Variants in CASZ1 observed in about 807,000 individuals in gnomAD.
CASZ1 encodes zinc finger protein castor homolog 1.
Under a neutral mutation model 135.2 loss-of-function variants are expected in CASZ1, and 28 were observed. The observed-to-expected ratio is 0.21, with a 90% CI of 0.15 to 0.28. The LOEUF (loss-of-function observed/expected upper bound fraction) is 0.28, where lower values mean the gene tolerates loss of function less well. CASZ1 is among the 10% of genes least tolerant of loss of function. CASZ1 has a pLI of 1.00. For missense variants in CASZ1, 2,161 were observed against 2,453.3 expected (o/e 0.88, Z 2.52); for synonymous variants, 1,068 against 1,073.4 (o/e 0.99, Z 0.10).
At chr1:10,785,476 T>C (rs1400826630) in intron 1 of CASZ1, among the ~76,000 whole-genome samples, 1 of 151,006 alleles carries the variant, frequency 6.6e-6, no homozygotes, top group African/African-American at 2.4e-5. Flanking sequence ...GCCGATGGAG[T>C]TTCATACACC....
At position 10,792,180 on chromosome 1, in the gene CASZ1, G is replaced by C. The variant is rs559246648; in HGVS notation, c.-234+4384C>G. Reference sequence around the variant, plus strand: ...AAGAAAGAAAAAAAAAAAAACTCAAGTATTGCCTGTTTTATTTCCTATAGC... The same window carrying C: ...AAGAAAGAAAAAAAAAAAAACTCAACTATTGCCTGTTTTATTTCCTATAGC... On this transcript the variant is annotated intron_variant, in intron 1 of 20. Transcript: ENST00000377022. 2.6e-4 allele frequency among the ~76,000 whole-genome samples: 38 copies of C among 146,712 alleles called. 1 individual carries two copies. The South Asian group carries it at 5.8e-3, about 22-fold the overall frequency.
In CASZ1 at chr1:10,653,535, G is replaced by A. The variant is rs372692770; in HGVS notation, c.2522C>T (p.Ala841Val). The change falls in exon 11 of 21, where the codon GCC becomes GTC. Residue 841 changes from alanine (A) to valine (V), a missense_variant. This residue lies in a region of CASZ1 where 406 missense variants were observed against 387.6 expected (regional missense o/e 1.05). Coordinates refer to ENST00000377022, the MANE Select transcript of CASZ1 (RefSeq NM_001079843.3). ...GGGGGCTGAGTCTCCAGCTCCCGAG[G>A]CGACCAGCGTGGGTGTGTCAGGGGT... The part of the protein sequence containing the change: ...SATPDTPTLV[A>V]SGAGDSAPVA... 4.4e-6 allele frequency: 7 copies of A among 1,601,840 alleles called. No homozygotes were observed. Among genetic ancestry groups the A allele is most frequent in the Non-Finnish European group, 6.0e-6 (7 of 1,173,060 alleles).
intron 2 of CASZ1, among the ~76,000 whole-genome samples, chr1:10,751,654 G>T (rs1640152927): frequency 2.0e-5 from 3 of 152,234 alleles, no homozygotes; most frequent in Admixed American, 2.0e-4. Context: ...GCAGGCTGGG[G>T]AAGAGGCTGA....
rs1397208507 is a variant in CASZ1, at chr1:10,638,904, G to GAGGCCA, written c.*37_*38insTGGCCT. 4 of 980,382 alleles carry GAGGCCA rather than the reference G, an allele frequency of 4.1e-6. No individual in the cohort carries two copies. Among genetic ancestry groups the GAGGCCA allele is most frequent in the Non-Finnish European group, 4.8e-6 (4 of 828,350 alleles). The allele number at this position is 980,382 out of a possible 1,614,324, so 60.7% of individuals were successfully genotyped here. On this transcript the variant is annotated 3_prime_UTR_variant, in exon 21 of 21. Transcript: ENST00000377022. This position sits in a 1 kb window ranked among gnomAD's most constrained non-coding sequence, Gnocchi z 5.9. ...GCGGGGCGGCGCCGCTCCCGAGGCC[G>GAGGCCA]AGGCCGAGGCCGCCGCCAGGGCCAC... is the stretch of plus-strand genomic sequence containing the variant.
intron 13 of CASZ1, 72 bp downstream of exon 13, chr1:10,650,620 C>G (rs926840787): frequency 2.3e-6 from 3 of 1,279,506 alleles, no homozygotes; most frequent in Non-Finnish European, 3.4e-6. Context: ...ACAAACACAT[C>G]CCCCCACCCC....
chr1:10,641,920 C>T (rs1483826582), intron 20 of CASZ1, among the ~76,000 whole-genome samples: 5 of 152,236 alleles, frequency 3.3e-5, no homozygotes, highest in South Asian at 4.1e-4. Flanking sequence ...AGAGTGGCCC[C>T]GTCCTTGGCC....
chr1:10,647,427 G>T lies in CASZ1; in HGVS notation c.3497+374C>A. ...CCTGCAGAGATTCAGCCATGGGTGT[G>T]AGCCACAGAGGAGGCCAATACGGAG... On this transcript the variant is annotated intron_variant, in intron 16 of 20. Coordinates refer to ENST00000377022, the MANE Select transcript of CASZ1 (RefSeq NM_001079843.3). The surrounding 1 kb of genome is among the most constrained non-coding windows in gnomAD (Gnocchi z 4.9). 8.8e-7 allele frequency: 1 copy of T among 1,138,074 alleles called. No homozygotes were observed. 70.5% of individuals were successfully genotyped at this position (1,138,074 alleles called of 1,614,324 possible).
intron 2 of CASZ1, among the ~76,000 whole-genome samples, chr1:10,732,082 T>TGGGAGGGTGAGGC (rs1312427311): frequency 6.6e-6 from 1 of 151,818 alleles, no homozygotes; most frequent in Non-Finnish European, 1.5e-5. Flanking sequence ...CCCAGCACTT[T>TGGGAGGGTGAGGC]GGGAGGGTGA....
At chr1:10,730,920 A>T (rs546787423) in intron 2 of CASZ1, among the ~76,000 whole-genome samples, 1 of 152,184 alleles carries the variant, frequency 6.6e-6, no homozygotes, top group East Asian at 1.9e-4. Flanking sequence ...AGCCTGGACA[A>T]CATAGTGAAA....
Position 10,646,175 on chromosome 1 carries a change from G to C in CASZ1, c.3649C>G (p.Arg1217Gly). ...INPNNNLVNV[R>G]DQFAYYSLQC... is the part of the protein sequence containing the mutation. ...AGAGAGTAGTATGCAAACTGGTCTC[G>C]CACGTTCACCAGGTTGTTGTTGGGG... is the stretch of plus-strand genomic sequence containing the variant. The change falls in exon 17 of 21, where the codon CGA becomes GGA. Residue 1217 changes from arginine (R) to glycine (G), a missense_variant. By Grantham distance (125) the Arg-to-Gly change is moderately radical. Coordinates refer to ENST00000377022, the MANE Select transcript of CASZ1 (RefSeq NM_001079843.3). The surrounding 1 kb of genome is among the most constrained non-coding windows in gnomAD (Gnocchi z 6.4). 1.2e-6 allele frequency: 2 copies of C among 1,614,168 alleles called. No individual in the cohort carries two copies. The highest frequency in any genetic ancestry group is 1.7e-6 in the Non-Finnish European group (2 of 1,180,036).
chr1:10,744,759 G>A (rs539592735), intron 2 of CASZ1, among the ~76,000 whole-genome samples: 71 of 152,204 alleles, frequency 4.7e-4, no homozygotes, highest in Admixed American at 4.4e-3. Context: ...CCAGATGGGC[G>A]GGCAAGGACT....
rs1342773059 is a variant in CASZ1 at position 10,756,924 on chromosome 1, T to C, written c.-77+3777A>G. Among the ~76,000 whole-genome samples the C allele has an allele frequency of 2.0e-5, 3 of 152,106 alleles. No homozygotes were observed. The highest frequency in any genetic ancestry group is 2.9e-5 in the Non-Finnish European group (2 of 68,012). ...GCACAGATCACATTCAAAGCCACAG[T>C]AAGAGAAACTCAGCCAACTTTTAGA... On this transcript the variant is annotated intron_variant, in intron 2 of 20. Coordinates refer to ENST00000377022, the MANE Select transcript of CASZ1 (RefSeq NM_001079843.3). The surrounding 1 kb of genome is among the most constrained non-coding windows in gnomAD (Gnocchi z 5.9).
At chr1:10,745,375 G>A (rs1640019960) in intron 2 of CASZ1, among the ~76,000 whole-genome samples, 1 of 139,848 alleles carries the variant, frequency 7.2e-6, no homozygotes, top group African/African-American at 3.0e-5. Flanking sequence ...AACTGCGAGA[G>A]TAAGCCACAG....
chr1:10,735,501 G>A lies in CASZ1; in HGVS notation c.-77+25200C>T, dbSNP rs192272824. ...GCTCAGCCAGCTCCACGCAGCGCCA[G>A]GGCTGTCCCCAAAGTTTGGATCAAA... On this transcript the variant is annotated intron_variant, in intron 2 of 20. Transcript: ENST00000377022. The surrounding 1 kb of genome is among the most constrained non-coding windows in gnomAD (Gnocchi z 5.1). Among the ~76,000 whole-genome samples, 1 of 152,146 alleles carries A rather than the reference G, an allele frequency of 6.6e-6. No individual in the cohort carries two copies. The highest frequency in any genetic ancestry group is 2.4e-5 in the African/African-American group (1 of 41,432).
At chr1:10,754,941 C>T (rs922822446) in intron 2 of CASZ1, among the ~76,000 whole-genome samples, 2 of 152,264 alleles carry the variant, frequency 1.3e-5, no homozygotes, top group Non-Finnish European at 2.9e-5. Flanking sequence ...TTAATTACAC[C>T]TTTCCTCCTC....
rs773910498 is a variant in CASZ1 at position 10,642,945 on chromosome 1, C to T, written c.4076G>A (p.Cys1359Tyr). Residue 1359 changes from cysteine to tyrosine, a missense_variant, in exon 20 of 21, where the codon TGC (cysteine) becomes TAC (tyrosine). Physicochemically the swap from Cys to Tyr is radical, Grantham distance 194. Around this residue, in one of 7 missense-constraint regions of CASZ1, gnomAD observed 143 missense variants for 128.3 expected, o/e 1.11. Transcript: ENST00000377022. ...CTCAGAGGACATGGCGCCTGGGCTG[C>T]AGCCAGTGTAGTCCATGCACTCATC... ...ETDECMDYTG[C>Y]SPGAMSSESS... The T allele has an allele frequency of 1.9e-6, 3 of 1,613,114 alleles. No homozygotes were observed. Among genetic ancestry groups the T allele is most frequent in the East Asian group, 4.5e-5 (2 of 44,874 alleles).
Position 10,655,802 on chromosome 1 carries a change from A to C in CASZ1, c.1512T>G (p.Ser504Arg). ...TGTAGTGGCGGATCACGTCCTGCTT[A>C]CTCGTGAACCTCTGCCAGGAGACAG... ...DPECNYQRFT[S>R]KQDVIRHYNM... Residue 504 changes from serine to arginine, a missense_variant, in exon 9 of 21, where the codon AGT (serine) becomes AGG (arginine). Around this residue, in one of 7 missense-constraint regions of CASZ1, gnomAD observed 248 missense variants for 410.8 expected, o/e 0.60. Transcript: ENST00000377022. The C allele has an allele frequency of 6.2e-7, 1 of 1,613,700 alleles. No homozygotes were observed. Among genetic ancestry groups the C allele is most frequent in the Non-Finnish European group, 8.5e-7 (1 of 1,179,692 alleles).
At position 10,776,390 on chromosome 1, in the gene CASZ1, G is replaced by A. The variant is rs920026564; in HGVS notation, c.-233-15533C>T. Reference sequence around the variant, plus strand: ...AAGCCAGGCCTCCTGCCCAGATGGCGCTCACCCCGGGCATGGAGCCTGCCC... The same window carrying A: ...AAGCCAGGCCTCCTGCCCAGATGGCACTCACCCCGGGCATGGAGCCTGCCC... On this transcript the variant is annotated intron_variant, in intron 1 of 20. Coordinates refer to ENST00000377022, the MANE Select transcript of CASZ1 (RefSeq NM_001079843.3). This position sits in a 1 kb window ranked among gnomAD's most constrained non-coding sequence, Gnocchi z 4.1. 6.6e-6 allele frequency among the ~76,000 whole-genome samples: 1 copy of A among 152,190 alleles called. No individual in the cohort carries two copies. Among genetic ancestry groups the A allele is most frequent in the Non-Finnish European group, 1.5e-5 (1 of 68,036 alleles).
chr1:10,644,908 C>CCTCG lies in CASZ1; in HGVS notation c.3868+5_3868+8dup. On this transcript the variant is annotated intron_variant, in intron 18 of 20. Transcript: ENST00000377022. Reference sequence around the variant, plus strand: ...GCAAGTCCCTGCCCGCAGCCCCAGCCCTCGGTACCTAGCCTGCCACACTCC... The same window carrying CCTCG: ...GCAAGTCCCTGCCCGCAGCCCCAGCCCTCGCTCGGTACCTAGCCTGCCACACTCC... The CCTCG allele has an allele frequency of 6.2e-7, 1 of 1,610,224 alleles. No homozygotes were observed. Among genetic ancestry groups the CCTCG allele is most frequent in the Non-Finnish European group, 8.5e-7 (1 of 1,177,864 alleles).
Sources: gnomAD v4.1 joint callset for allele counts (sites outside exome capture counted in the v4.1 genomes callset) on GRCh38, gnomAD v4.1.1 for gene constraint, gnomAD v4.1.1 regional missense constraint, Gnocchi (gnomAD v3.1) non-coding constraint, MANE v1.5 for transcripts, NCBI Gene and HGNC (gene_info 2026-07-23, HGNC 2026-07-21) for gene names.